The following LOC400499 variants were observed in gnomAD, a reference collection of about 807,000 sequenced individuals.
chr16:11,423,064 G>T, the LOC400499 span: 14 of 398,596 alleles, frequency 3.5e-5, no homozygotes, highest in South Asian at 1.7e-3. Context: ...TCTCCTGGCA[G>T]CGAACTCAGC....
the LOC400499 span, chr16:11,448,842 G>A: frequency 1.8e-5 from 22 of 1,240,602 alleles, no homozygotes; most frequent in South Asian, 1.6e-4. Flanking sequence ...TTTTCCATCC[G>A]AAGCAGGGAG....
the LOC400499 span, among the ~76,000 whole-genome samples, chr16:11,519,952 C>A: frequency 6.6e-6 from 1 of 152,246 alleles, no homozygotes; most frequent in African/African-American, 2.4e-5. Context: ...ATCCACCCGC[C>A]TCGGCCTCCC....
At chr16:11,412,192 G>A in the LOC400499 span, among the ~76,000 whole-genome samples, 4 of 152,126 alleles carry the variant, frequency 2.6e-5, no homozygotes, top group African/African-American at 9.7e-5. Flanking sequence ...ACTCCAGGGT[G>A]CTACACCCTC....
chr16:11,435,787 G>C, the LOC400499 span: 1 of 399,442 alleles, frequency 2.5e-6, no homozygotes, highest in Non-Finnish European at 4.4e-6. Context: ...GGCTGGCGTC[G>C]ACCTCCAGCA....
the LOC400499 span, among the ~76,000 whole-genome samples, chr16:11,525,183 G>A: frequency 6.6e-6 from 1 of 151,926 alleles, no homozygotes; most frequent in South Asian, 2.1e-4. Flanking sequence ...ACTCGTGGGA[G>A]GTGGGAGAAT....
chr16:11,401,877 G>GC, the LOC400499 span, among the ~76,000 whole-genome samples: 1,008 of 152,222 alleles, frequency 6.6e-3, 17 homozygotes, highest in African/African-American at 0.021. Flanking sequence ...GTCTCCTGCT[G>GC]CCCCCCCAGT....
At chr16:11,493,801 A>C in the LOC400499 span, 1 of 369,000 alleles carries the variant, frequency 2.7e-6, no homozygotes, top group Admixed American at 5.0e-5. Context: ...CTGGAGCTAA[A>C]TCGAGATGGA....
At chr16:11,477,128 T>C in the LOC400499 span, among the ~76,000 whole-genome samples, 7 of 152,306 alleles carry the variant, frequency 4.6e-5, no homozygotes, top group South Asian at 1.4e-3. Context: ...CTAATCCCTT[T>C]TATGGATGGG....
the LOC400499 span, chr16:11,523,527 A>T: frequency 2.5e-6 from 1 of 398,442 alleles, no homozygotes; most frequent in East Asian, 3.6e-5. Flanking sequence ...GGCATAAGAT[A>T]GCCCCACGCT....
chr16:11,403,505 A>G, the LOC400499 span, among the ~76,000 whole-genome samples: 1 of 151,914 alleles, frequency 6.6e-6, no homozygotes, highest in African/African-American at 2.4e-5. Context: ...ACACACATAC[A>G]CGCATGCACA....
the LOC400499 span, among the ~76,000 whole-genome samples, chr16:11,439,935 A>G: frequency 2.0e-5 from 3 of 152,026 alleles, no homozygotes; most frequent in South Asian, 6.2e-4. Context: ...TTTAATCCTC[A>G]GCAGTGCTTT....
the LOC400499 span, among the ~76,000 whole-genome samples, chr16:11,443,788 C>T: frequency 6.6e-6 from 1 of 151,778 alleles, no homozygotes; most frequent in African/African-American, 2.4e-5. Flanking sequence ...TAGGGAGCCA[C>T]ATGTCAAGAC....
chr16:11,412,432 G>A, the LOC400499 span, among the ~76,000 whole-genome samples: 9 of 152,310 alleles, frequency 5.9e-5, no homozygotes, highest in African/African-American at 2.2e-4. Context: ...GAGAACCACT[G>A]GTCTACCCCT....
the LOC400499 span, chr16:11,384,216 C>T: frequency 8.1e-7 from 1 of 1,231,918 alleles, no homozygotes; most frequent in Non-Finnish European, 1.0e-6. Context: ...ACCCGCTCAC[C>T]TGCCAGGCCA....
At chr16:11,491,224 T>C in the LOC400499 span, among the ~76,000 whole-genome samples, 4 of 152,202 alleles carry the variant, frequency 2.6e-5, no homozygotes, top group Admixed American at 2.6e-4. Context: ...CTGTGCATTA[T>C]GGAAAATTTT....
At chr16:11,521,687 T>G in the LOC400499 span, among the ~76,000 whole-genome samples, 605 of 152,268 alleles carry the variant, frequency 4.0e-3, 1 homozygote, top group African/African-American at 0.014. Flanking sequence ...CTCTTCTCAC[T>G]CCACGAACTC....
At chr16:11,504,216 A>G in the LOC400499 span, among the ~76,000 whole-genome samples, 1 of 152,334 alleles carries the variant, frequency 6.6e-6, no homozygotes, top group Non-Finnish European at 1.5e-5. Context: ...GGGCAGATCT[A>G]GGCAGGCTAC....
chr16:11,372,753 G>GA, the LOC400499 span: 1 of 982,518 alleles, frequency 1.0e-6, no homozygotes, highest in East Asian at 1.1e-4. Context: ...AAAGGAGAGA[G>GA]AAAAGTAAGA....
At chr16:11,441,102 T>G in the LOC400499 span, 1 of 399,020 alleles carries the variant, frequency 2.5e-6, no homozygotes, top group East Asian at 3.6e-5. Flanking sequence ...CCAGGGGCAC[T>G]GAGAGAGGTC....
Sources: gnomAD v4.1 joint callset for allele counts (sites outside exome capture counted in the v4.1 genomes callset) on GRCh38, gnomAD v4.1.1 for gene constraint, MANE v1.5 for transcripts.